MVB12A: variants seen among roughly 807,000 people sequenced by gnomAD.
The protein encoded by MVB12A is multivesicular body subunit 12A.
Under a neutral mutation model 34.3 loss-of-function variants are expected in MVB12A, and 30 were observed. That is an observed-to-expected ratio of 0.88 (90% CI 0.65 to 1.19). MVB12A has a LOEUF of 1.19. Ranked by LOEUF, MVB12A falls within the 50% of genes most tolerant of loss-of-function variation. The pLI, the probability that MVB12A is intolerant of heterozygous loss-of-function variation, is 0.00. For synonymous variants in MVB12A, 158 were observed against 158.9 expected (o/e 0.99, Z 0.04); for missense variants, 355 against 369.2 (o/e 0.96, Z 0.31).
At position 17,410,529 on chromosome 19, in the gene MVB12A, T is replaced by TAC. The variant is rs1185077317; in HGVS notation, c.-5+4243_-5+4244dup. Among the ~76,000 whole-genome samples, 450 of 74,306 alleles carry TAC rather than the reference T, an allele frequency of 6.1e-3. 11 individuals carry two copies. The highest frequency in any genetic ancestry group is 0.024 in the Middle Eastern group (3 of 124). 48.7% of individuals were successfully genotyped at this position (74,306 alleles called of 152,430 possible). ...ATATATATATATATATATATATATA[T>TAC]ACACACACACATATATATATACACA... On this transcript the variant is annotated intron_variant, in intron 2 of 6. Coordinates refer to the MVB12A transcript ENST00000528604.
chr19:17,416,264 A>G (rs2074799073), upstream of MVB12A, among the ~76,000 whole-genome samples: 1 of 140,804 alleles, frequency 7.1e-6, no homozygotes. Flanking sequence ...GGCGCATGCC[A>G]CCAAGCCTGG....
intron 2 of MVB12A, chr19:17,414,580 T>C (rs1350238480): frequency 2.6e-5 from 4 of 152,144 alleles, no homozygotes; most frequent in African/African-American, 4.8e-5. Context: ...AGTATTAATA[T>C]GTTTCTGGCT....
chr19:17,421,473 C>T (rs964282985), intron 3 of MVB12A, among the ~76,000 whole-genome samples: 7 of 151,996 alleles, frequency 4.6e-5, no homozygotes, highest in East Asian at 1.9e-4. Context: ...CGTGAGCCAC[C>T]GCACCCGGCC....
intron 3 of MVB12A, chr19:17,421,281 T>C (rs1235243842): frequency 8.8e-6 from 3 of 342,062 alleles, no homozygotes; most frequent in Non-Finnish European, 1.7e-5. Context: ...GACTCCCGGG[T>C]TCAAGCGATT....
upstream of MVB12A, chr19:17,415,448 T>C (rs2074793383): frequency 6.6e-6 from 1 of 152,210 alleles, no homozygotes; most frequent in Admixed American, 6.5e-5. Context: ...AGTCTGTGTC[T>C]GGCATAGCAT....
At chr19:17,412,651 G>A (rs2074776329) in intron 2 of MVB12A, among the ~76,000 whole-genome samples, 1 of 152,188 alleles carries the variant, frequency 6.6e-6, no homozygotes, top group Non-Finnish European at 1.5e-5. Context: ...AACTGAAACA[G>A]TATCTCCATC....
At position 17,410,229 on chromosome 19, in the gene MVB12A, G is replaced by A. The variant is rs544720697; in HGVS notation, c.-5+3933G>A. On this transcript the variant is annotated intron_variant, in intron 2 of 6. Transcript: ENST00000528604. ...CCTGTTGCCCAGGCTGGAGCGCAGT[G>A]GTGCAATCATAGCTCACTGCAGCCT... 8.2e-4 allele frequency among the ~76,000 whole-genome samples: 124 copies of A among 151,142 alleles called. No homozygotes were observed. In the South Asian group the frequency reaches 0.016, roughly 20 times the overall value.
chr19:17,422,535 C>T, intron 4 of MVB12A, 77 bp downstream of exon 4: 2 of 1,434,578 alleles, frequency 1.4e-6, no homozygotes, highest in Admixed American at 4.1e-5. Context: ...CCCTCAAGGA[C>T]ACCCCTGAGG....
chr19:17,417,296 G>T, upstream of MVB12A: 1 of 191,858 alleles, frequency 5.2e-6, no homozygotes, highest in South Asian at 9.1e-5. Flanking sequence ...GTGGAATTCT[G>T]AACAGAACAT....
At position 17,422,454 on chromosome 19, in the gene MVB12A, A is replaced by G. The variant is rs1325913279; in HGVS notation, c.409A>G (p.Ile137Val). The G allele has an allele frequency of 6.2e-7, 1 of 1,611,388 alleles. No individual in the cohort carries two copies. The highest frequency in any genetic ancestry group is 1.7e-5 in the Admixed American group (1 of 59,854). Residue 137 changes from isoleucine to valine, a missense_variant, in exon 4 of 9, where the codon ATA (isoleucine) becomes GTA (valine). Coordinates refer to ENST00000317040, the MANE Select transcript of MVB12A (RefSeq NM_138401.4). The part of the protein sequence containing the change: ...KTKTVPGYLR[I>V]GDMGGFAIWC... Reference sequence around the variant, plus strand: ...CAAGACAGTGCCTGGATACCTTCGAATAGGGTAGGGCCACCCCCCAGTGTC... The same window carrying G: ...CAAGACAGTGCCTGGATACCTTCGAGTAGGGTAGGGCCACCCCCCAGTGTC...
chr19:17,410,607 C>CGTATATATATATATATACACAT (rs1555734746), intron 2 of MVB12A, among the ~76,000 whole-genome samples: 59 of 135,588 alleles, frequency 4.4e-4, no homozygotes, highest in African/African-American at 1.6e-3. Context: ...TATATATACA[C>CGTATATATATATATATACACAT]ATATATATAT....
At chr19:17,424,303 T>TG (rs1343696577) in intron 7 of MVB12A, among the ~76,000 whole-genome samples, 2 of 151,952 alleles carry the variant, frequency 1.3e-5, no homozygotes, top group Non-Finnish European at 2.9e-5. Flanking sequence ...GGAGGGATGC[T>TG]GGGCATGGTG....
chr19:17,419,783 G>C (rs1345971031), upstream of MVB12A: 2 of 174,200 alleles, frequency 1.1e-5, no homozygotes, highest in African/African-American at 2.4e-5. Context: ...GCTGAGGCCG[G>C]AAGGAATTCT....
intron 4 of MVB12A, among the ~76,000 whole-genome samples, 162 bp from the exon 5 acceptor site, chr19:17,423,336 G>A (rs1464528120): frequency 2.0e-5 from 3 of 148,588 alleles, no homozygotes; most frequent in East Asian, 3.9e-4. Context: ...TCCAGCCTGG[G>A]CAACATGAGC....
chr19:17,423,655 G>A, intron 5 of MVB12A, 38 bp downstream of exon 5: 3 of 1,613,240 alleles, frequency 1.9e-6, no homozygotes, highest in Non-Finnish European at 2.5e-6. Context: ...TGGCCGTTGT[G>A]GGAGGATGAG....
At chr19:17,411,128 CCAGCT>C (rs1026981111) in intron 2 of MVB12A, among the ~76,000 whole-genome samples, 1 of 150,964 alleles carries the variant, frequency 6.6e-6, no homozygotes, top group African/African-American at 2.4e-5. Context: ...GCCACTACGC[CCAGCT>C]AATTTTTGTA....
In MVB12A at chr19:17,424,058, C is replaced by T. The variant is rs1568392549; in HGVS notation, c.693C>T (p.Cys231=). 1.9e-6 allele frequency: 3 copies of T among 1,614,152 alleles called. No individual in the cohort carries two copies. Among genetic ancestry groups the T allele is most frequent in the Admixed American group, 1.7e-5 (1 of 60,014 alleles). Residue 231 remains cysteine, a synonymous_variant, in exon 7 of 9, where the codon TGC becomes TGT. Transcript: ENST00000317040. ...ACCCACGATTTGAGGGCAAGAGCTG[C>T]AGCCCCCTGGTGAGTCGGGGTCTCA... ...TLHPRFEGKS[C]SPLAFSAFGD... is the part of the protein sequence containing the mutation.
At chr19:17,421,264 A>C in intron 3 of MVB12A, 1 of 347,380 alleles carries the variant, frequency 2.9e-6, no homozygotes, top group Non-Finnish European at 5.5e-6. Flanking sequence ...AGCTCACCAC[A>C]ACCTCCGACT....
At chr19:17,414,521 C>T (rs1159166031) in intron 2 of MVB12A, 2 of 152,324 alleles carry the variant, frequency 1.3e-5, no homozygotes, top group African/African-American at 4.8e-5. Flanking sequence ...ATCAACACCA[C>T]CTTTCAGTCT....
Sources: allele counts gnomAD v4.1 joint callset (sites outside exome capture counted in the v4.1 genomes callset), GRCh38; gene constraint gnomAD v4.1.1; transcripts MANE v1.5; gene names NCBI Gene and HGNC (gene_info 2026-07-23, HGNC 2026-07-21).